The following LIPF variants were observed in gnomAD, a reference collection of about 807,000 sequenced individuals.
LIPF encodes the protein lipase F, gastric type.
Under a neutral mutation model 38.0 loss-of-function variants are expected in LIPF, and 25 were observed. That is an observed-to-expected ratio of 0.66 (90% CI 0.48 to 0.92). The LOEUF (loss-of-function observed/expected upper bound fraction) is 0.92. LIPF is among the 40% of genes least tolerant of loss of function. The pLI, the probability that LIPF is intolerant of heterozygous loss-of-function variation, is 0.00. For missense variants in LIPF, 410 were observed against 469.9 expected (o/e 0.87, Z 1.18); for synonymous variants, 161 against 156.2 (o/e 1.03, Z -0.23).
At position 88,676,296 on chromosome 10, in the gene LIPF, A is replaced by T; in HGVS notation, c.960+16A>T. The T allele has an allele frequency of 1.3e-6, 2 of 1,504,860 alleles. No homozygotes were observed. The highest frequency in any genetic ancestry group is 1.8e-6 in the Non-Finnish European group (2 of 1,092,878). 93.2% of individuals were successfully genotyped at this position (1,504,860 alleles called of 1,614,324 possible). Reference sequence around the variant, plus strand: ...CTATGATCAGGTAAGCTTCTTAAAGATGGAATTATTCACATTTTGAACAAC... The same window carrying T: ...CTATGATCAGGTAAGCTTCTTAAAGTTGGAATTATTCACATTTTGAACAAC... On this transcript the variant is annotated intron_variant, in intron 9 of 9. Coordinates refer to ENST00000238983, the MANE Select transcript of LIPF (RefSeq NM_004190.4).
chr10:88,668,831 C>T (rs1841553752), intron 4 of LIPF, 75 bp downstream of exon 4: 5 of 1,240,342 alleles, frequency 4.0e-6, no homozygotes, highest in Middle Eastern at 2.1e-4. Flanking sequence ...AATCCAGTCC[C>T]ATTTTAACAA....
Position 88,665,430 on chromosome 10 carries a change from C to CAT in LIPF, c.-12+940_-12+941insTA, listed in dbSNP as rs1202233030. ...CGTATACCATGTTGAACACACAGTA[C>CAT]AGCACACAGTGAGTCCTCTGTATGT... On this transcript the variant is annotated intron_variant, in intron 1 of 9. Coordinates refer to ENST00000238983, the MANE Select transcript of LIPF (RefSeq NM_004190.4). 3 of 780,974 alleles carry CAT rather than the reference C, an allele frequency of 3.8e-6. No homozygotes were observed. In the Admixed American group the frequency reaches 6.0e-5, roughly 16 times the overall value. 48.4% of individuals were successfully genotyped at this position (780,974 alleles called of 1,614,324 possible).
chr10:88,668,343 C>T (rs1313690093), intron 3 of LIPF, among the ~76,000 whole-genome samples: 1 of 152,042 alleles, frequency 6.6e-6, no homozygotes, highest in Admixed American at 6.6e-5. Flanking sequence ...TAATAAGCTG[C>T]TCATATTTAA....
At chr10:88,678,106 G>A (rs1424425202) in intron 9 of LIPF, among the ~76,000 whole-genome samples, 4 of 152,074 alleles carry the variant, frequency 2.6e-5, no homozygotes, top group Admixed American at 2.6e-4. Flanking sequence ...AAGACTTACT[G>A]TCCAAAGCCT....
rs1159321709 is a variant in LIPF, at chr10:88,678,390, A to G, written c.961-55A>G. 9 of 1,223,900 alleles carry G rather than the reference A, an allele frequency of 7.4e-6. No individual in the cohort carries two copies. The East Asian group carries it at 1.9e-4, about 25-fold the overall frequency. The allele number at this position is 1,223,900 out of a possible 1,614,324, so 75.8% of individuals were successfully genotyped here. The stretch of plus-strand genomic sequence containing the variant: ...TATACACTCTACTTGAATAGTAAGT[A>G]CTGGGTTTAAAGTGTGGTTACCTAA... On this transcript the variant is annotated intron_variant, in intron 9 of 9. Coordinates refer to ENST00000238983, the MANE Select transcript of LIPF (RefSeq NM_004190.4).
chr10:88,677,102 T>C (rs1316741409), intron 9 of LIPF, among the ~76,000 whole-genome samples: 1 of 152,230 alleles, frequency 6.6e-6, no homozygotes, highest in Non-Finnish European at 1.5e-5. Context: ...TTTCATTTGT[T>C]TCCATGACTT....
chr10:88,665,009 T>C (rs929508053), intron 1 of LIPF, among the ~76,000 whole-genome samples: 1 of 152,200 alleles, frequency 6.6e-6, no homozygotes, highest in Non-Finnish European at 1.5e-5. Context: ...TAGACCAAAT[T>C]ATATAAATCT....
At chr10:88,674,338 T>C (rs538060223) in intron 7 of LIPF, among the ~76,000 whole-genome samples, 1 of 152,276 alleles carries the variant, frequency 6.6e-6, no homozygotes, top group South Asian at 2.1e-4. Flanking sequence ...CCGGCTAATT[T>C]TTTGTATTTT....
In LIPF at chr10:88,668,564, G is replaced by T. The variant is rs145559458; in HGVS notation, c.230G>T (p.Arg77Ile). 6.2e-7 allele frequency: 1 copy of T among 1,613,964 alleles called. No individual in the cohort carries two copies. The highest frequency in any genetic ancestry group is 1.3e-5 in the African/African-American group (1 of 74,924). The change falls in exon 4 of 10, where the codon AGA (arginine) becomes ATA (isoleucine). Residue 77 changes from arginine (R) to isoleucine (I), a missense_variant. Arg to Ile is a moderately conservative substitution (Grantham distance 97). Transcript: ENST00000238983. ...GKKNSGNTGQ[R>I]PVVFLQHGLL... ...TAAACATTTTCTTCCTTAGGCCAGA[G>T]ACCTGTTGTGTTTTTGCAGCATGGT... is the stretch of plus-strand genomic sequence containing the variant.
chr10:88,671,493 T>G (rs1841595748), intron 5 of LIPF, among the ~76,000 whole-genome samples: 1 of 152,170 alleles, frequency 6.6e-6, no homozygotes, highest in Non-Finnish European at 1.5e-5. Flanking sequence ...TGAGATACAT[T>G]TAAATTCATA....
Position 88,668,731 on chromosome 10 carries a change from G to C in LIPF, c.397G>C (p.Asp133His). Residue 133 changes from aspartate (D) to histidine (H), a missense_variant, in exon 4 of 10, where the codon GAT becomes CAT. By Grantham distance (81) the Asp-to-His change is moderately conservative. Transcript: ENST00000238983. Reference protein sequence around the residue: ...WARRNLYYSPDSVEFWAFSFD... With the variant: ...WARRNLYYSPHSVEFWAFSFD... ...CAGAAGAAACTTGTACTATTCACCA[G>C]ATTCAGTTGAATTCTGGGCTTTCAG... 1 of 1,614,010 alleles carries C rather than the reference G, an allele frequency of 6.2e-7. No individual in the cohort carries two copies. Among genetic ancestry groups the C allele is most frequent in the Non-Finnish European group, 8.5e-7 (1 of 1,179,924 alleles).
chr10:88,676,202 A>C lies in LIPF; in HGVS notation c.889-7A>C, dbSNP rs780152692. On this transcript the variant is annotated splice_region_variant and splice_polypyrimidine_tract_variant and intron_variant, in intron 8 of 9. Coordinates refer to ENST00000238983, the MANE Select transcript of LIPF (RefSeq NM_004190.4). ...TTATTTGTTTGCTTTTAATTTCTCT[A>C]TGTTAGGCTGTTAAGTCTGGGAAAT... The C allele has an allele frequency of 1.3e-6, 2 of 1,569,662 alleles. No individual in the cohort carries two copies. The highest frequency in any genetic ancestry group is 2.2e-5 in the East Asian group (1 of 44,472).
At chr10:88,672,614 C>T (rs964427322) in intron 6 of LIPF, among the ~76,000 whole-genome samples, 1 of 142,450 alleles carries the variant, frequency 7.0e-6, no homozygotes, top group Non-Finnish European at 1.5e-5. Context: ...ATTCTCTCAC[C>T]CAGTAAAACC....
intron 4 of LIPF, 21 bp from the exon 5 acceptor site, chr10:88,669,816 A>G (rs774755640): frequency 1.2e-5 from 18 of 1,511,710 alleles, no homozygotes; most frequent in Non-Finnish European, 1.7e-5. Flanking sequence ...ATTCACTTTC[A>G]TTTTGTCTTT....
intron 9 of LIPF, among the ~76,000 whole-genome samples, chr10:88,677,205 A>T (rs574710328): frequency 3.6e-4 from 55 of 152,292 alleles, no homozygotes; most frequent in African/African-American, 1.3e-3. Flanking sequence ...TGATATCTTT[A>T]AAGTTTTCAG....
chr10:88,674,582 A>G (rs568142481), intron 7 of LIPF, among the ~76,000 whole-genome samples: 1 of 152,256 alleles, frequency 6.6e-6, no homozygotes, highest in Non-Finnish European at 1.5e-5. Flanking sequence ...AGATCAGTTT[A>G]AATTCAAACC....
Position 88,667,294 on chromosome 10 carries a change from C to T in LIPF, c.-4C>T, listed in dbSNP as rs1180694174. ...GTTATTCTTTTCTTTCAGGCAGGTC[C>T]AAAATGTGGCTGCTTTTAACAATGG... is the stretch of plus-strand genomic sequence containing the variant. On this transcript the variant is annotated 5_prime_UTR_variant, in exon 2 of 10. Coordinates refer to ENST00000238983, the MANE Select transcript of LIPF (RefSeq NM_004190.4). The T allele has an allele frequency of 1.2e-6, 2 of 1,600,272 alleles. No individual in the cohort carries two copies. The highest frequency in any genetic ancestry group is 4.5e-5 in the East Asian group (2 of 44,730).
At position 88,678,424 on chromosome 10, in the gene LIPF, TC is replaced by T. The variant is rs1841720391; in HGVS notation, c.961-20del. On this transcript the variant is annotated intron_variant, in intron 9 of 9. Transcript: ENST00000238983. ...AAAGTGTGGTTACCTAAACTCTGGTTCTTTCTCTTGTGTTTTCTAGTCCCAA... is the reference window on the plus strand; with the variant it reads ...AAAGTGTGGTTACCTAAACTCTGGTTTTTCTCTTGTGTTTTCTAGTCCCAA... 1 of 1,566,058 alleles carries T rather than the reference TC, an allele frequency of 6.4e-7. No individual in the cohort carries two copies. Among genetic ancestry groups the T allele is most frequent in the Non-Finnish European group, 8.8e-7 (1 of 1,136,268 alleles).
At chr10:88,664,601 A>G (rs1751870799) in intron 1 of LIPF, 110 bp downstream of exon 1, 1 of 152,664 alleles carries the variant, frequency 6.6e-6, no homozygotes, top group South Asian at 2.1e-4. Flanking sequence ...ATTCACCTGC[A>G]TAAATGTATC....
Sources: gnomAD v4.1 joint callset for allele counts (sites outside exome capture counted in the v4.1 genomes callset) on GRCh38, gnomAD v4.1.1 for gene constraint, MANE v1.5 for transcripts, NCBI Gene and HGNC (gene_info 2026-07-23, HGNC 2026-07-21) for gene names.